PTGFRN: variants seen among roughly 807,000 people sequenced by gnomAD.
PTGFRN encodes the protein prostaglandin F2 receptor inhibitor.
Under a neutral mutation model 83.2 loss-of-function variants are expected in PTGFRN, and 35 were observed. The observed-to-expected ratio is 0.42, with a 90% confidence interval of 0.32 to 0.56. PTGFRN has a LOEUF of 0.56. Among genes scored for constraint, PTGFRN ranks in the 20% least tolerant of loss-of-function variants. The pLI is 0.11. For synonymous variants in PTGFRN, 519 were observed against 498.6 expected (o/e 1.04, Z -0.55); for missense variants, 1,051 against 1,179.5 (o/e 0.89, Z 1.60).
intron 2 of PTGFRN, 29 bp downstream of exon 2, chr1:116,942,112 C>T: frequency 6.3e-7 from 1 of 1,583,316 alleles, no homozygotes; most frequent in South Asian, 1.2e-5. Context: ...CTTGTTATGC[C>T]AGGGGCCAGA....
At chr1:116,950,083 A>G (rs971350492) in intron 4 of PTGFRN, among the ~76,000 whole-genome samples, 3 of 152,112 alleles carry the variant, frequency 2.0e-5, no homozygotes, top group Non-Finnish European at 4.4e-5. Flanking sequence ...GCCTGCTTCT[A>G]TAGGCTTGTT....
Position 116,941,798 on chromosome 1 carries a change from G to A in PTGFRN, c.133G>A (p.Val45Ile). Residue 45 changes from valine (V) to isoleucine (I), a missense_variant, in exon 2 of 9, where the codon GTC becomes ATC. Physicochemically the swap from Val to Ile is conservative, Grantham distance 29. This residue lies in a region of PTGFRN where 127 missense variants were observed against 168.4 expected (regional missense o/e 0.75). Coordinates refer to ENST00000393203, the MANE Select transcript of PTGFRN (RefSeq NM_020440.4). This position sits in a 1 kb window ranked among gnomAD's most constrained non-coding sequence, Gnocchi z 5.0. ...CACTGAGCTGGTCATCCCCTGCAAC[G>A]TCAGTGACTATGATGGCCCCAGCGA... ...VGTELVIPCN[V>I]SDYDGPSEQN... 7 of 1,614,164 alleles carry A rather than the reference G, an allele frequency of 4.3e-6. No individual in the cohort carries two copies. The highest frequency in any genetic ancestry group is 1.1e-5 in the South Asian group (1 of 91,074).
Sources: gnomAD v4.1 joint callset for allele counts (sites outside exome capture counted in the v4.1 genomes callset) on GRCh38, gnomAD v4.1.1 for gene constraint, gnomAD v4.1.1 regional missense constraint, Gnocchi (gnomAD v3.1) non-coding constraint, MANE v1.5 for transcripts, NCBI Gene and HGNC (gene_info 2026-07-23, HGNC 2026-07-21) for gene names.